Variants in CELF4 observed in about 807,000 individuals in gnomAD.
CELF4 encodes the protein CUG-BP- and ETR-3-like factor 4.
In CELF4, 18 loss-of-function variants were observed where a neutral mutation model predicts 59.9. The ratio of observed to expected loss-of-function variants is 0.30; its 90% CI spans 0.21 to 0.45. The LOEUF is 0.45. Among genes scored for constraint, CELF4 ranks in the 20% least tolerant of loss-of-function variants. The pLI is 1.00. For synonymous variants in CELF4, 261 were observed against 267.1 expected, an observed-to-expected ratio of 0.98 and a Z score of 0.22; for missense variants, 456 against 689.0, an observed-to-expected ratio of 0.66 and a Z score of 3.79.
chr18:37,406,858 G>C (rs1038471900), intron 2 of CELF4, among the ~76,000 whole-genome samples: 1 of 152,046 alleles, frequency 6.6e-6, no homozygotes, highest in Non-Finnish European at 1.5e-5. Flanking sequence ...TGGGGTTGTG[G>C]GGAAGTGGGG....
chr18:37,364,392 C>T (rs905816200), intron 2 of CELF4, among the ~76,000 whole-genome samples: 1 of 152,222 alleles, frequency 6.6e-6, no homozygotes, highest in Non-Finnish European at 1.5e-5. Flanking sequence ...CATTCCCAGC[C>T]TGGGCTCTAG....
At chr18:37,364,157 G>T (rs2098745787) in intron 2 of CELF4, among the ~76,000 whole-genome samples, 1 of 152,208 alleles carries the variant, frequency 6.6e-6, no homozygotes, top group Non-Finnish European at 1.5e-5. Context: ...GCTTCTGTTT[G>T]CACTTAGGCT....
chr18:37,485,427 CT>C (rs1569569616), intron 2 of CELF4, 97 bp downstream of exon 2: 1 of 575,284 alleles, frequency 1.7e-6, no homozygotes, highest in Non-Finnish European at 2.3e-6. Context: ...GGCGGGCGCC[CT>C]GCCGTCCTCT....
chr18:37,530,242 A>C lies in CELF4; in HGVS notation c.286+35114T>G, dbSNP rs182811639. ...TTCATTTAATTCTCACCACAACTCT[A>C]TCAGGCTTTTGCAATGATTGTGTCC... On this transcript the variant is annotated intron_variant, in intron 1 of 12. Coordinates refer to ENST00000420428, the MANE Select transcript of CELF4 (RefSeq NM_020180.4). 6.1e-3 allele frequency among the ~76,000 whole-genome samples: 925 copies of C among 152,248 alleles called. 10 individuals carry two copies. Among genetic ancestry groups the C allele is most frequent in the African/African-American group, 0.021 (883 of 41,540 alleles).
intron 11 of CELF4, among the ~76,000 whole-genome samples, chr18:37,256,161 C>A (rs527779720): frequency 1.1e-4 from 17 of 152,326 alleles, no homozygotes; most frequent in Non-Finnish European, 2.5e-4. Context: ...CTCTCCTTCC[C>A]TCCTCCTATC....
intron 3 of CELF4, among the ~76,000 whole-genome samples, chr18:37,277,141 C>T (rs1381723369): frequency 6.6e-6 from 1 of 152,248 alleles, no homozygotes; most frequent in Non-Finnish European, 1.5e-5. Context: ...CCTGCTGGTA[C>T]TCCTCAGTCC....
chr18:37,354,695 T>C (rs1016714525), intron 2 of CELF4, among the ~76,000 whole-genome samples: 14 of 152,246 alleles, frequency 9.2e-5, no homozygotes, highest in African/African-American at 2.9e-4. Context: ...GGGTGCACTC[T>C]GGGGTGAGCA....
chr18:37,478,964 C>A (rs2099858521), intron 2 of CELF4, among the ~76,000 whole-genome samples: 1 of 152,178 alleles, frequency 6.6e-6, no homozygotes, highest in Non-Finnish European at 1.5e-5. Context: ...AAATGCCCCA[C>A]ATGAGTGGGT....
chr18:37,350,811 C>T (rs968087804), intron 2 of CELF4, among the ~76,000 whole-genome samples: 1 of 152,182 alleles, frequency 6.6e-6, no homozygotes, highest in Non-Finnish European at 1.5e-5. Flanking sequence ...TCTGGGATCC[C>T]CAGTTCCAGG....
chr18:37,259,147 C>G, intron 11 of CELF4, 34 bp downstream of exon 11: 1 of 1,613,592 alleles, frequency 6.2e-7, no homozygotes, highest in Non-Finnish European at 8.5e-7. Flanking sequence ...GTTAGTCGCC[C>G]GATCCACAAA....
chr18:37,374,266 G>A (rs1036734849), intron 2 of CELF4, among the ~76,000 whole-genome samples: 8 of 152,216 alleles, frequency 5.3e-5, no homozygotes, highest in Non-Finnish European at 1.0e-4. Flanking sequence ...CAGGAGGTGA[G>A]GCTTTGAGCC....
chr18:37,327,050 C>T (rs17682165), intron 2 of CELF4, among the ~76,000 whole-genome samples: 31,905 of 152,084 alleles, frequency 0.21, 3,405 homozygotes, highest in Non-Finnish European at 0.23. Context: ...GATGATTGAG[C>T]TGGTCGAAAG....
chr18:37,260,998 C>G (rs1054139554), intron 10 of CELF4, among the ~76,000 whole-genome samples: 1 of 152,150 alleles, frequency 6.6e-6, no homozygotes, highest in Non-Finnish European at 1.5e-5. Flanking sequence ...CCTGTCCCCT[C>G]CAACCATGCT....
At position 37,253,017 on chromosome 18, in the gene CELF4, C is replaced by G. The variant is rs937120600; in HGVS notation, c.*44+750G>C. On this transcript the variant is annotated intron_variant, in intron 12 of 12. Transcript: ENST00000420428. The surrounding 1 kb of genome is among the most constrained non-coding windows in gnomAD (Gnocchi z 4.5). ...TTTGATGTCCTGGGGAATCTCCCCC[C>G]ATTCTTTCTGCAGGAAGAACTTTGC... Among the ~76,000 whole-genome samples the G allele has an allele frequency of 2.0e-5, 3 of 151,878 alleles. No individual in the cohort carries two copies. Among genetic ancestry groups the G allele is most frequent in the African/African-American group, 7.3e-5 (3 of 41,216 alleles).
chr18:37,411,587 C>T (rs990086752), intron 2 of CELF4, among the ~76,000 whole-genome samples: 2 of 152,184 alleles, frequency 1.3e-5, no homozygotes, highest in African/African-American at 2.4e-5. Flanking sequence ...GGGTGAAGAA[C>T]GTTAGGTATT....
At chr18:37,487,426 G>A (rs999229373) in intron 1 of CELF4, among the ~76,000 whole-genome samples, 22 of 152,076 alleles carry the variant, frequency 1.4e-4, no homozygotes, top group South Asian at 4.1e-4. Context: ...GAGAAGCTTC[G>A]GAGAAATCTC....
intron 3 of CELF4, among the ~76,000 whole-genome samples, chr18:37,312,110 CAAAAAAAAAAAAA>C (rs59872500): frequency 2.0e-5 from 1 of 50,796 alleles, no homozygotes; most frequent in East Asian, 7.5e-4. Context: ...GATTCCGTCT[CAAAAAAAAAAAAA>C]AAAAAAAGAA....
chr18:37,499,566 C>A (rs778292577), intron 1 of CELF4, among the ~76,000 whole-genome samples: 1 of 152,130 alleles, frequency 6.6e-6, no homozygotes, highest in Non-Finnish European at 1.5e-5. Flanking sequence ...CACTCTCAAC[C>A]GTGTTACCTG....
chr18:37,333,446 A>G (rs2097636097), intron 2 of CELF4, among the ~76,000 whole-genome samples: 1 of 149,244 alleles, frequency 6.7e-6, no homozygotes, highest in South Asian at 2.1e-4. Context: ...TAGTATTTCC[A>G]TCACTTTTGA....
Sources: gnomAD v4.1 joint callset for allele counts (sites outside exome capture counted in the v4.1 genomes callset) on GRCh38, gnomAD v4.1.1 for gene constraint, Gnocchi (gnomAD v3.1) non-coding constraint, MANE v1.5 for transcripts, NCBI Gene and HGNC (gene_info 2026-07-23, HGNC 2026-07-21) for gene names.